The following FAM78B variants were observed in gnomAD, a reference collection of about 807,000 sequenced individuals.
The protein encoded by FAM78B is family with sequence similarity 78 member B, also known as protein FAM78B.
In FAM78B, 10 loss-of-function variants were observed where a neutral mutation model predicts 20.0. The ratio of observed to expected loss-of-function variants is 0.50; its 90% CI spans 0.31 to 0.85. FAM78B has a LOEUF of 0.85. FAM78B is among the 40% of genes least tolerant of loss of function. FAM78B has a pLI of 0.05. For missense variants in FAM78B, 283 were observed against 345.0 expected, an observed-to-expected ratio of 0.82 and a Z score of 1.42; for synonymous variants, 135 against 132.8, an observed-to-expected ratio of 1.02 and a Z score of -0.12.
intron 1 of FAM78B, among the ~76,000 whole-genome samples, chr1:166,124,025 G>A (rs1043546619): frequency 1.3e-5 from 2 of 152,184 alleles, no homozygotes; most frequent in African/African-American, 4.8e-5. Context: ...CTGAACTGAT[G>A]AGGACAAAAG....
chr1:166,148,566 G>C (rs1317938197), intron 1 of FAM78B, among the ~76,000 whole-genome samples: 4 of 152,240 alleles, frequency 2.6e-5, no homozygotes, highest in African/African-American at 4.8e-5. Flanking sequence ...ATGTTCATCT[G>C]TGCTCATTAG....
intron 1 of FAM78B, among the ~76,000 whole-genome samples, chr1:166,152,681 T>C (rs1054769178): frequency 1.3e-5 from 2 of 151,166 alleles, no homozygotes; most frequent in African/African-American, 4.9e-5. Flanking sequence ...TATTTATTTA[T>C]TTATTTATTT....
At chr1:166,136,934 G>T (rs114371678) in intron 1 of FAM78B, among the ~76,000 whole-genome samples, 1 of 152,270 alleles carries the variant, frequency 6.6e-6, no homozygotes, top group Non-Finnish European at 1.5e-5. Context: ...GAATGCACTC[G>T]TATGGCTCAT....
At chr1:166,158,332 G>A (rs139607058) in intron 1 of FAM78B, among the ~76,000 whole-genome samples, 12 of 152,168 alleles carry the variant, frequency 7.9e-5, no homozygotes, top group African/African-American at 2.9e-4. Flanking sequence ...TCAAATAGAC[G>A]GATAGATAAA....
chr1:166,097,885 T>C (rs1653349515), intron 1 of FAM78B, among the ~76,000 whole-genome samples: 1 of 152,164 alleles, frequency 6.6e-6, no homozygotes, highest in African/African-American at 2.4e-5. Flanking sequence ...CCACAGCTGA[T>C]GCTCTCTGGA....
chr1:166,124,788 G>C (rs184932237), intron 1 of FAM78B, among the ~76,000 whole-genome samples: 1 of 152,320 alleles, frequency 6.6e-6, no homozygotes, highest in Admixed American at 6.5e-5. Flanking sequence ...GAGGAAGAGA[G>C]AAGTAGAAAA....
chr1:166,130,881 GAACC>G (rs1654847232), intron 1 of FAM78B, among the ~76,000 whole-genome samples: 1 of 151,354 alleles, frequency 6.6e-6, no homozygotes, highest in African/African-American at 2.4e-5. Flanking sequence ...AGAAGAAACA[GAACC>G]AACAAAGAAT....
chr1:166,070,180 T>C lies in FAM78B; in HGVS notation c.*61A>G, dbSNP rs1358183729. ...AACTCTGTTTGGCTCCTGCCACCCC[T>C]GGCACCCTCACTGCATGTCTCAGAG... On this transcript the variant is annotated 3_prime_UTR_variant, in exon 2 of 2. Transcript: ENST00000354422. The C allele has an allele frequency of 4.2e-6, 6 of 1,445,212 alleles. No homozygotes were observed. Among genetic ancestry groups the C allele is most frequent in the Non-Finnish European group, 4.6e-6 (5 of 1,094,318 alleles). 89.5% of individuals were successfully genotyped at this position (1,445,212 alleles called of 1,614,324 possible).
At chr1:166,086,589 T>C (rs1445696160) in intron 1 of FAM78B, among the ~76,000 whole-genome samples, 1 of 151,890 alleles carries the variant, frequency 6.6e-6, no homozygotes, top group Non-Finnish European at 1.5e-5. Context: ...AAAATCAGAG[T>C]TTATTGTTTT....
intron 1 of FAM78B, among the ~76,000 whole-genome samples, chr1:166,146,306 T>C (rs1557916864): frequency 6.6e-6 from 1 of 152,250 alleles, no homozygotes; most frequent in African/African-American, 2.4e-5. Flanking sequence ...CAAGGCATTA[T>C]GTTTATTTAG....
At chr1:166,103,492 T>C (rs572489598) in intron 1 of FAM78B, among the ~76,000 whole-genome samples, 48 of 152,050 alleles carry the variant, frequency 3.2e-4, no homozygotes, top group African/African-American at 1.1e-3. Context: ...GAGAATCAAA[T>C]AGACACAATA....
intron 1 of FAM78B, among the ~76,000 whole-genome samples, chr1:166,130,885 C>T (rs1654847361): frequency 6.6e-6 from 1 of 151,738 alleles, no homozygotes; most frequent in South Asian, 2.1e-4. Context: ...GAAACAGAAC[C>T]AACAAAGAAT....
intron 1 of FAM78B, among the ~76,000 whole-genome samples, chr1:166,111,241 A>C (rs1461157027): frequency 1.3e-5 from 2 of 152,060 alleles, no homozygotes; most frequent in Non-Finnish European, 2.9e-5. Context: ...CATCAAGGAC[A>C]CTCCAAATGT....
intron 1 of FAM78B, among the ~76,000 whole-genome samples, chr1:166,129,321 T>C (rs1654782614): frequency 6.6e-6 from 1 of 152,272 alleles, no homozygotes; most frequent in Non-Finnish European, 1.5e-5. Context: ...TTTCTGCTTA[T>C]AAAAAGTGCT....
intron 1 of FAM78B, among the ~76,000 whole-genome samples, chr1:166,099,377 C>G (rs951333285): frequency 6.6e-6 from 1 of 152,148 alleles, no homozygotes; most frequent in Non-Finnish European, 1.5e-5. Context: ...ACGAAGTACA[C>G]AGGCAACAAA....
intron 1 of FAM78B, among the ~76,000 whole-genome samples, chr1:166,136,933 C>G (rs1000811011): frequency 1.3e-5 from 2 of 152,186 alleles, no homozygotes; most frequent in Non-Finnish European, 2.9e-5. Context: ...TGAATGCACT[C>G]GTATGGCTCA....
chr1:166,102,540 A>T (rs887600406), intron 1 of FAM78B, among the ~76,000 whole-genome samples: 1 of 152,192 alleles, frequency 6.6e-6, no homozygotes, highest in African/African-American at 2.4e-5. Flanking sequence ...AAAACAAAAA[A>T]AGGCAGGGGT....
chr1:166,153,074 C>T (rs1199208667), intron 1 of FAM78B, among the ~76,000 whole-genome samples: 1 of 152,138 alleles, frequency 6.6e-6, no homozygotes, highest in Admixed American at 6.6e-5. Context: ...AAAGATCATC[C>T]ATGGTTTTTG....
chr1:166,136,667 C>T (rs1453502498), intron 1 of FAM78B, among the ~76,000 whole-genome samples: 1 of 152,200 alleles, frequency 6.6e-6, no homozygotes, highest in African/African-American at 2.4e-5. Context: ...AAGCAATGAA[C>T]TCCTGGAAGG....
Sources: gnomAD v4.1 joint callset for allele counts (sites outside exome capture counted in the v4.1 genomes callset) on GRCh38, gnomAD v4.1.1 for gene constraint, MANE v1.5 for transcripts, NCBI Gene and HGNC (gene_info 2026-07-23, HGNC 2026-07-21) for gene names.